Variants in NSD1 observed in about 807,000 individuals in gnomAD.
NSD1 encodes histone-lysine N-methyltransferase, H3 lysine-36 specific.
Under a neutral mutation model 242.7 loss-of-function variants are expected in NSD1, and 26 were observed. The ratio of observed to expected loss-of-function variants is 0.11; its 90% CI spans 0.08 to 0.15. The LOEUF (loss-of-function observed/expected upper bound fraction) is 0.15, where lower values mean the gene tolerates loss of function less well. Ranked by LOEUF, NSD1 falls within the 10% of genes least tolerant of loss-of-function variation. The pLI is 1.00. For missense variants in NSD1, 2,495 were observed against 3,272.8 expected (o/e 0.76, Z 5.80); for synonymous variants, 1,106 against 1,178.1 (o/e 0.94, Z 1.25).
chr5:177,241,077 CTG>C (rs1765820498), intron 8 of NSD1, among the ~76,000 whole-genome samples: 1 of 152,092 alleles, frequency 6.6e-6, no homozygotes. Context: ...GATGTTCTCC[CTG>C]TGTTTTAGGA....
intron 2 of NSD1, among the ~76,000 whole-genome samples, chr5:177,161,572 A>C (rs1236771164): frequency 1.3e-5 from 2 of 151,802 alleles, no homozygotes; most frequent in Admixed American, 1.3e-4. Context: ...TAATCCTTCC[A>C]TCTAGGCCTC....
rs1491057441 is a variant in NSD1, at chr5:177,181,425, TGG to T, written c.928-10458_928-10457del. Among the ~76,000 whole-genome samples, 219 of 128,502 alleles carry T rather than the reference TGG, an allele frequency of 1.7e-3. 4 individuals carry two copies. The highest frequency in any genetic ancestry group is 5.2e-3 in the East Asian group (19 of 3,620). 84.3% of individuals were successfully genotyped at this position (128,502 alleles called of 152,430 possible). A position where few individuals can be genotyped will look rare whatever the true frequency, so the allele number is the denominator to read the frequency against. ...GGAAACTTCATTATGGGTTTTTTTT[TGG>T]TTTTTTTTTTTTTTTTTTGGCAGGT... On this transcript the variant is annotated intron_variant, in intron 2 of 22. Coordinates refer to ENST00000439151, the MANE Select transcript of NSD1 (RefSeq NM_022455.5).
rs1581428437 is a variant in NSD1, at chr5:177,246,002, C to T, written c.4379-676C>T. Among the ~76,000 whole-genome samples, 5 of 146,956 alleles carry T rather than the reference C, an allele frequency of 3.4e-5. No homozygotes were observed. In the Admixed American group the frequency reaches 3.5e-4, roughly 10 times the overall value. On this transcript the variant is annotated intron_variant, in intron 9 of 22. Coordinates refer to ENST00000439151, the MANE Select transcript of NSD1 (RefSeq NM_022455.5). The stretch of plus-strand genomic sequence containing the variant: ...TTTTTTTTTTTGAGATGGAGTTTCG[C>T]TCTTGTTACCCAGGCTGGAGTGCGG...
chr5:177,223,075 CTTTTTCTTTTTT>C (rs973019024), intron 5 of NSD1, among the ~76,000 whole-genome samples: 5 of 147,416 alleles, frequency 3.4e-5, no homozygotes, highest in Non-Finnish European at 7.5e-5. Context: ...TATTCTTTTT[CTTTTTCTTTTTT>C]TTTTTTTTCA....
intron 2 of NSD1, among the ~76,000 whole-genome samples, chr5:177,185,871 ATAAT>A (rs2149813933): frequency 1.1e-5 from 1 of 87,434 alleles, no homozygotes; most frequent in East Asian, 3.1e-4. Context: ...ATATATTTAT[ATAAT>A]TAATATATAT....
At chr5:177,167,477 G>A (rs891205169) in intron 2 of NSD1, among the ~76,000 whole-genome samples, 1 of 152,062 alleles carries the variant, frequency 6.6e-6, no homozygotes, top group African/African-American at 2.4e-5. Context: ...AGAGGTTGCG[G>A]TGAGCCGAGA....
chr5:177,212,796 C>G (rs1168417580), intron 5 of NSD1, among the ~76,000 whole-genome samples: 4 of 151,814 alleles, frequency 2.6e-5, no homozygotes, highest in African/African-American at 9.7e-5. Flanking sequence ...GCACCCGCCA[C>G]CATACCTGGT....
intron 2 of NSD1, among the ~76,000 whole-genome samples, chr5:177,141,773 A>C (rs1179625394): frequency 1.3e-5 from 2 of 152,048 alleles, no homozygotes; most frequent in African/African-American, 4.8e-5. Flanking sequence ...AACAAATTCT[A>C]CTTGTCAACT....
intron 3 of NSD1, among the ~76,000 whole-genome samples, chr5:177,192,349 T>C (rs958370757): frequency 2.6e-5 from 4 of 152,124 alleles, no homozygotes; most frequent in African/African-American, 9.7e-5. Flanking sequence ...TAGCTGGGAT[T>C]ACAGGCATCC....
intron 4 of NSD1, among the ~76,000 whole-genome samples, chr5:177,208,824 T>C (rs547752283): frequency 6.6e-6 from 1 of 152,156 alleles, no homozygotes; most frequent in African/African-American, 2.4e-5. Flanking sequence ...GCCTCCACAG[T>C]AGCTGGGAGT....
intron 19 of NSD1, among the ~76,000 whole-genome samples, chr5:177,283,255 T>TA (rs1237996097): frequency 6.6e-6 from 1 of 152,214 alleles, no homozygotes; most frequent in African/African-American, 2.4e-5. Flanking sequence ...CACCTGGCCT[T>TA]AGTTTTTATA....
intron 2 of NSD1, among the ~76,000 whole-genome samples, chr5:177,163,014 T>G (rs1180279707): frequency 1.3e-5 from 2 of 152,060 alleles, no homozygotes; most frequent in Admixed American, 1.3e-4. Flanking sequence ...GGTCTCCCTG[T>G]GTTGCCCAGG....
intron 2 of NSD1, among the ~76,000 whole-genome samples, chr5:177,149,783 G>A (rs1562118715): frequency 1.3e-5 from 2 of 152,142 alleles, no homozygotes; most frequent in African/African-American, 2.4e-5. Flanking sequence ...GAGCTCAGGC[G>A]ATAATGCTCC....
chr5:177,202,944 A>G (rs1762614332), intron 3 of NSD1, among the ~76,000 whole-genome samples: 1 of 152,150 alleles, frequency 6.6e-6, no homozygotes, highest in Non-Finnish European at 1.5e-5. Context: ...CCATGTGTAC[A>G]CTTTTGAAAC....
chr5:177,134,112 T>TCCTCCC lies in NSD1; in HGVS notation c.-18+172_-18+177dup, dbSNP rs1756086193. The TCCTCCC allele has an allele frequency of 6.7e-6, 1 of 148,544 alleles. No homozygotes were observed. Among genetic ancestry groups the TCCTCCC allele is most frequent in the Admixed American group, 6.6e-5 (1 of 15,120 alleles). The allele number at this position is 148,544 out of a possible 1,614,324, so 9.2% of individuals were successfully genotyped here. Reference sequence around the variant, plus strand: ...GCCGGCGGCGCTGCAGCCGCCGGCCTCCTCCCCCTCCCCCTCCTCCATCAC... The same window carrying TCCTCCC: ...GCCGGCGGCGCTGCAGCCGCCGGCCTCCTCCCCCTCCCCCTCCCCCTCCTCCATCAC... On this transcript the variant is annotated intron_variant, in intron 1 of 22. Transcript: ENST00000439151. The surrounding 1 kb of genome is among the most constrained non-coding windows in gnomAD (Gnocchi z 4.2).
intron 8 of NSD1, among the ~76,000 whole-genome samples, chr5:177,243,897 T>G (rs1165927819): frequency 6.6e-6 from 1 of 152,158 alleles, no homozygotes; most frequent in African/African-American, 2.4e-5. Context: ...TTCTCCATGT[T>G]GGTCAGGCTG....
intron 14 of NSD1, chr5:177,266,372 C>T (rs1045014816): frequency 5.1e-5 from 35 of 679,694 alleles, no homozygotes; most frequent in Middle Eastern, 2.7e-4. Context: ...CCGGCCTTGG[C>T]GGCGAACATG....
At chr5:177,143,061 C>T (rs1423676609) in intron 2 of NSD1, among the ~76,000 whole-genome samples, 2 of 152,010 alleles carry the variant, frequency 1.3e-5, no homozygotes, top group South Asian at 2.1e-4. Flanking sequence ...GGGGACATAT[C>T]GAGTTAATGA....
chr5:177,204,399 A>T, intron 4 of NSD1, 107 bp downstream of exon 4: 3 of 1,052,596 alleles, frequency 2.9e-6, no homozygotes, highest in Non-Finnish European at 4.2e-6. Flanking sequence ...TGTTTCCCAG[A>T]TTGGAGTACA....
Sources: gnomAD v4.1 joint callset for allele counts (sites outside exome capture counted in the v4.1 genomes callset) on GRCh38, gnomAD v4.1.1 for gene constraint, Gnocchi (gnomAD v3.1) non-coding constraint, MANE v1.5 for transcripts, NCBI Gene and HGNC (gene_info 2026-07-23, HGNC 2026-07-21) for gene names.